SEMA5B: variants seen among roughly 807,000 people sequenced by gnomAD.
SEMA5B encodes semaphorin-5B.
Under a neutral mutation model 135.0 loss-of-function variants are expected in SEMA5B, and 66 were observed. The observed-to-expected ratio is 0.49, with a 90% CI of 0.40 to 0.60. SEMA5B has a LOEUF of 0.60. Ranked by LOEUF, SEMA5B falls within the 20% of genes least tolerant of loss-of-function variation. SEMA5B has a pLI of 0.00. For synonymous variants in SEMA5B, 690 were observed against 639.5 expected, an observed-to-expected ratio of 1.08 and a Z score of -1.19; for missense variants, 1,501 against 1,566.3, an observed-to-expected ratio of 0.96 and a Z score of 0.70.
chr3:122,939,327 T>A, intron 5 of SEMA5B, 98 bp downstream of exon 5: 1 of 966,548 alleles, frequency 1.0e-6, no homozygotes, highest in Non-Finnish European at 1.7e-6. Context: ...GTTTTCAACT[T>A]TAGGGGCTGA....
At position 122,927,837 on chromosome 3, in the gene SEMA5B, C is replaced by T. The variant is rs1938723683; in HGVS notation, c.803G>A (p.Ser268Asn). 1.9e-6 allele frequency: 3 copies of T among 1,570,066 alleles called. No individual in the cohort carries two copies. Among genetic ancestry groups the T allele is most frequent in the Non-Finnish European group, 2.6e-6 (3 of 1,156,760 alleles). ...TTGGGCAGTGCGAAGCGGTGGCCCA[C>T]TGCCCAGGCTGCGGTAGATGGCAGG... ...RDPAIYRSLG[S>N]GPPLRTAQYN... is the part of the protein sequence containing the mutation. Residue 268 changes from serine to asparagine, a missense_variant, in exon 8 of 23, where the codon AGT (serine) becomes AAT (asparagine). Ser to Asn is a conservative substitution (Grantham distance 46). Transcript: ENST00000357599.
intron 1 of SEMA5B, among the ~76,000 whole-genome samples, chr3:122,974,327 T>A (rs1941235799): frequency 1.3e-5 from 2 of 152,092 alleles, no homozygotes; most frequent in East Asian, 3.9e-4. Flanking sequence ...CAGGTCTGAG[T>A]GAAGGCCAGG....
chr3:122,956,210 A>C (rs753906283), intron 2 of SEMA5B, among the ~76,000 whole-genome samples: 1 of 152,238 alleles, frequency 6.6e-6, no homozygotes, highest in Non-Finnish European at 1.5e-5. Flanking sequence ...GCATTTTCCC[A>C]AATCTTTGGC....
intron 1 of SEMA5B, among the ~76,000 whole-genome samples, chr3:122,972,369 C>G (rs1941155876): frequency 6.6e-6 from 1 of 152,134 alleles, no homozygotes; most frequent in African/African-American, 2.4e-5. Flanking sequence ...TTCTGCTGCC[C>G]ATGTATAAAG....
chr3:122,913,516 C>A lies in SEMA5B; in HGVS notation c.2280+18G>T, dbSNP rs1234473459. On this transcript the variant is annotated intron_variant, in intron 16 of 22. Transcript: ENST00000357599. The stretch of plus-strand genomic sequence containing the variant: ...AGTACCCTACACCGCGCCCCTGGCC[C>A]ACGGCCCCAACCCTCACCACGCCGC... 6.2e-7 allele frequency: 1 copy of A among 1,605,304 alleles called. No individual in the cohort carries two copies. Among genetic ancestry groups the A allele is most frequent in the Non-Finnish European group, 8.5e-7 (1 of 1,177,344 alleles).
chr3:123,013,047 G>A (rs1231407667), intron 1 of SEMA5B, among the ~76,000 whole-genome samples: 2 of 152,206 alleles, frequency 1.3e-5, no homozygotes, highest in Non-Finnish European at 2.9e-5. Flanking sequence ...GCATAATGGA[G>A]CCAGGGATGG....
chr3:123,018,482 C>G (rs776070555), intron 1 of SEMA5B, among the ~76,000 whole-genome samples: 28 of 152,212 alleles, frequency 1.8e-4, no homozygotes, highest in Non-Finnish European at 3.4e-4. Context: ...ATGCCCTCCA[C>G]GAAGCACACT....
intron 5 of SEMA5B, among the ~76,000 whole-genome samples, chr3:122,937,173 T>G (rs1939336873): frequency 6.6e-6 from 1 of 152,182 alleles, no homozygotes; most frequent in African/African-American, 2.4e-5. Context: ...CAGCCGCCCT[T>G]GTCAGCAAAG....
At chr3:122,942,973 A>T (rs767103232) in intron 4 of SEMA5B, among the ~76,000 whole-genome samples, 1 of 152,154 alleles carries the variant, frequency 6.6e-6, no homozygotes, top group African/African-American at 2.4e-5. Context: ...TGAACAGTGG[A>T]CTAAGAGGTC....
At chr3:122,980,288 C>G (rs9809650) in intron 1 of SEMA5B, among the ~76,000 whole-genome samples, 31,637 of 151,944 alleles carry the variant, frequency 0.21, 4,458 homozygotes, top group African/African-American at 0.4. Context: ...TGGAGAAACC[C>G]TGTCTCTACT....
chr3:122,949,104 A>C (rs991133866), intron 2 of SEMA5B, among the ~76,000 whole-genome samples: 2 of 152,226 alleles, frequency 1.3e-5, no homozygotes, highest in African/African-American at 4.8e-5. Flanking sequence ...AAATAGACAA[A>C]AGATTTCAAT....
At chr3:122,986,625 G>A (rs1196570076) in intron 1 of SEMA5B, among the ~76,000 whole-genome samples, 1 of 143,346 alleles carries the variant, frequency 7.0e-6, no homozygotes, top group Non-Finnish European at 1.5e-5. Context: ...GTGTGTGTGT[G>A]GTGTGTAAGT....
rs369421423 is a variant in SEMA5B at position 122,964,369 on chromosome 3, T to G, written c.-38-3068A>C. ...AGGATGGGAGGACACACGTTTCTTC[T>G]GGGTAGGACAGCTACCAGCTACGCA... On this transcript the variant is annotated intron_variant, in intron 1 of 22. Coordinates refer to ENST00000357599, the MANE Select transcript of SEMA5B (RefSeq NM_001031702.4). Among the ~76,000 whole-genome samples the G allele has an allele frequency of 3.4e-4, 52 of 152,306 alleles. 1 individual carries two copies. The East Asian group carries it at 7.2e-3, about 21-fold the overall frequency.
intron 1 of SEMA5B, among the ~76,000 whole-genome samples, chr3:123,005,677 C>T (rs146469297): frequency 3.0e-4 from 45 of 152,264 alleles, no homozygotes; most frequent in African/African-American, 1.1e-3. Flanking sequence ...ACTCCTTGGC[C>T]ACCAGAATGT....
intron 5 of SEMA5B, among the ~76,000 whole-genome samples, chr3:122,936,788 C>T (rs555324728): frequency 1.3e-5 from 2 of 152,294 alleles, no homozygotes; most frequent in African/African-American, 4.8e-5. Context: ...CCCACTCCTC[C>T]ACCTCCAACA....
chr3:122,912,766 T>A, intron 18 of SEMA5B, 77 bp downstream of exon 18: 1 of 1,368,058 alleles, frequency 7.3e-7, no homozygotes, highest in Non-Finnish European at 9.9e-7. Flanking sequence ...GGTTCCTGGG[T>A]AGGCCTGGGG....
Position 123,002,000 on chromosome 3 carries a change from T to C in SEMA5B, c.-39+25464A>G, listed in dbSNP as rs138377354. Among the ~76,000 whole-genome samples the C allele has an allele frequency of 2.5e-3, 383 of 152,272 alleles. 2 individuals are homozygous for C. Among genetic ancestry groups the C allele is most frequent in the African/African-American group, 9.0e-3 (375 of 41,552 alleles). ...TAAGTGTTCTCCACAACCATTTCCA[T>C]AGGTGTTTTGAAGTGAAAGAGAAAT... On this transcript the variant is annotated intron_variant, in intron 1 of 22. Coordinates refer to ENST00000357599, the MANE Select transcript of SEMA5B (RefSeq NM_001031702.4).
intron 1 of SEMA5B, among the ~76,000 whole-genome samples, chr3:123,021,504 T>C (rs931280789): frequency 7.2e-5 from 11 of 152,230 alleles, no homozygotes; most frequent in Admixed American, 6.5e-4. Context: ...TTCACACACT[T>C]GTCCCTGAAT....
chr3:122,985,147 A>C (rs1487974891), intron 1 of SEMA5B, among the ~76,000 whole-genome samples: 3 of 152,188 alleles, frequency 2.0e-5, no homozygotes, highest in Non-Finnish European at 2.9e-5. Flanking sequence ...TGTTCCTGAG[A>C]ATCCAAGTAC....
Sources: allele counts gnomAD v4.1 joint callset (sites outside exome capture counted in the v4.1 genomes callset), GRCh38; gene constraint gnomAD v4.1.1; transcripts MANE v1.5; gene names NCBI Gene and HGNC (gene_info 2026-07-23, HGNC 2026-07-21).